The following WWOX variants were observed in gnomAD, a reference collection of about 807,000 sequenced individuals.
The protein encoded by WWOX is WW domain-containing oxidoreductase.
In WWOX, 69 loss-of-function variants were observed where a neutral mutation model predicts 46.2. The ratio of observed to expected loss-of-function variants is 1.49; its 90% CI spans 1.23 to 1.82. The LOEUF is 1.82. Among genes scored for constraint, WWOX ranks in the 40% most tolerant of loss-of-function variants. The pLI is 0.00. For synonymous variants in WWOX, 359 were observed against 202.6 expected (o/e 1.77, Z -6.56); for missense variants, 919 against 542.6 (o/e 1.69, Z -6.89).
intron 8 of WWOX, among the ~76,000 whole-genome samples, chr16:78,496,785 G>C (rs1241675897): frequency 6.6e-6 from 1 of 152,194 alleles, no homozygotes; most frequent in Admixed American, 6.5e-5. Context: ...GAAATGGGAA[G>C]TGCATTGAGG....
intron 8 of WWOX, among the ~76,000 whole-genome samples, chr16:78,788,017 A>G (rs2050498391): frequency 1.3e-5 from 2 of 152,206 alleles, no homozygotes; most frequent in Non-Finnish European, 2.9e-5. Context: ...TTGAGTTGTA[A>G]AAGTTGTTTA....
At position 79,172,537 on chromosome 16, in the gene WWOX, C is replaced by T. The variant is rs561018947; in HGVS notation, c.1057-39071C>T. On this transcript the variant is annotated intron_variant, in intron 8 of 8. Transcript: ENST00000566780. ...TTTGCTCCTCCTCACTGAGTGGCTG[C>T]ATGAATTGCATCCAGCATGTCTACT... Among the ~76,000 whole-genome samples the T allele has an allele frequency of 2.0e-5, 3 of 152,262 alleles. No homozygotes were observed. In the East Asian group the frequency reaches 5.8e-4, roughly 30 times the overall value.
At chr16:78,825,561 G>C (rs751778764) in intron 8 of WWOX, 5 of 532,144 alleles carry the variant, frequency 9.4e-6, no homozygotes, top group Non-Finnish European at 1.9e-5. Flanking sequence ...GGCCCCAGAG[G>C]TCTGTGTGCC....
At chr16:78,127,219 G>C (rs755925182) in intron 4 of WWOX, among the ~76,000 whole-genome samples, 2 of 152,082 alleles carry the variant, frequency 1.3e-5, no homozygotes, top group Non-Finnish European at 2.9e-5. Flanking sequence ...TTAAAGATGG[G>C]AACTCCAGAG....
chr16:78,973,807 G>A (rs4887999), intron 8 of WWOX, among the ~76,000 whole-genome samples: 46,291 of 152,126 alleles, frequency 0.3, 7,201 homozygotes, highest in South Asian at 0.38. Context: ...GCAGGGGTTC[G>A]GGAGTGGGGG....
intron 8 of WWOX, among the ~76,000 whole-genome samples, chr16:78,941,248 G>A (rs2045845928): frequency 6.6e-6 from 1 of 152,280 alleles, no homozygotes; most frequent in African/African-American, 2.4e-5. Context: ...ATTTGGTTCT[G>A]CGGTCGCTTG....
chr16:79,171,651 T>C (rs2050701830), intron 8 of WWOX, among the ~76,000 whole-genome samples: 1 of 152,210 alleles, frequency 6.6e-6, no homozygotes, highest in African/African-American at 2.4e-5. Context: ...AGACTGGTTC[T>C]TCACTGTGCA....
At chr16:78,255,702 G>C (rs943150402) in intron 5 of WWOX, among the ~76,000 whole-genome samples, 1 of 152,102 alleles carries the variant, frequency 6.6e-6, no homozygotes, top group African/African-American at 2.4e-5. Context: ...CCCAAGAACA[G>C]TCAATAATAA....
intron 8 of WWOX, among the ~76,000 whole-genome samples, chr16:78,766,946 C>G (rs982382109): frequency 6.6e-6 from 1 of 152,154 alleles, no homozygotes; most frequent in African/African-American, 2.4e-5. Context: ...CCTCACTTCC[C>G]CAAGCTTGTG....
chr16:79,013,301 C>G (rs1338796798), intron 8 of WWOX, among the ~76,000 whole-genome samples: 1 of 152,140 alleles, frequency 6.6e-6, no homozygotes, highest in Non-Finnish European at 1.5e-5. Context: ...CTCATGCGCT[C>G]TGATCTGCCA....
At chr16:78,104,756 CT>C (rs1440017921) in intron 1 of WWOX, among the ~76,000 whole-genome samples, 1 of 152,100 alleles carries the variant, frequency 6.6e-6, no homozygotes, top group African/African-American at 2.4e-5. Flanking sequence ...AAAAGAACAT[CT>C]TTTAATTAAT....
chr16:79,040,779 T>A (rs1266510134), intron 8 of WWOX, among the ~76,000 whole-genome samples: 1 of 151,986 alleles, frequency 6.6e-6, no homozygotes, highest in Non-Finnish European at 1.5e-5. Context: ...TCTTAGACCT[T>A]CTTCTGAGTG....
chr16:79,180,579 C>G lies in WWOX; in HGVS notation c.1057-31029C>G, dbSNP rs944498029. ...TTGGGGAAATAGGAACCTTAGAAAC[C>G]CTGAAGAAGTGGAAAGAGAAAAGGA... On this transcript the variant is annotated intron_variant, in intron 8 of 8. Coordinates refer to ENST00000566780, the MANE Select transcript of WWOX (RefSeq NM_016373.4). Among the ~76,000 whole-genome samples the G allele has an allele frequency of 2.6e-5, 4 of 152,112 alleles. No homozygotes were observed. The East Asian group carries it at 7.7e-4, about 29-fold the overall frequency.
chr16:78,990,167 G>C (rs866988237), intron 8 of WWOX, among the ~76,000 whole-genome samples: 1 of 145,846 alleles, frequency 6.9e-6, no homozygotes, highest in African/African-American at 2.6e-5. Flanking sequence ...CTGGGTGACA[G>C]AGGGAGACCT....
At chr16:79,203,979 T>G (rs1345037978) in intron 8 of WWOX, 1 of 152,164 alleles carries the variant, frequency 6.6e-6, no homozygotes, top group Non-Finnish European at 1.5e-5. Context: ...AGCAGTCCTT[T>G]AGCACGGGCA....
chr16:78,753,815 AAAAAAAAAAAATATATATAT>A (rs2049550741), intron 8 of WWOX, among the ~76,000 whole-genome samples: 1 of 80,298 alleles, frequency 1.2e-5, no homozygotes, highest in African/African-American at 4.6e-5. Context: ...AAAAAAAAAA[AAAAAAAAAAAATATATATAT>A]ATATATATAT....
intron 5 of WWOX, among the ~76,000 whole-genome samples, chr16:78,320,301 A>G (rs574990804): frequency 6.6e-6 from 1 of 152,220 alleles, no homozygotes; most frequent in African/African-American, 2.4e-5. Context: ...TACTCAACAG[A>G]CTTTTGTTTT....
intron 8 of WWOX, among the ~76,000 whole-genome samples, chr16:78,557,248 A>G (rs1328467586): frequency 1.3e-5 from 2 of 152,060 alleles, no homozygotes; most frequent in Non-Finnish European, 2.9e-5. Flanking sequence ...TTACCTTAAG[A>G]CCTGATTCTA....
intron 8 of WWOX, among the ~76,000 whole-genome samples, chr16:79,030,568 G>C (rs576582294): frequency 6.6e-6 from 1 of 152,174 alleles, no homozygotes; most frequent in Admixed American, 6.5e-5. Context: ...ACTCATATGA[G>C]GGCTGTCTTG....
Sources: allele counts gnomAD v4.1 joint callset (sites outside exome capture counted in the v4.1 genomes callset), GRCh38; gene constraint gnomAD v4.1.1; transcripts MANE v1.5; gene names NCBI Gene and HGNC (gene_info 2026-07-23, HGNC 2026-07-21).